NTN4: variants seen among roughly 807,000 people sequenced by gnomAD.
NTN4 encodes the protein netrin 4.
A neutral mutation model predicts 73.6 loss-of-function variants in NTN4; 32 were observed. The ratio of observed to expected loss-of-function variants is 0.44; its 90% CI spans 0.33 to 0.58. The LOEUF (loss-of-function observed/expected upper bound fraction) is 0.58, where lower values mean the gene tolerates loss of function less well. Ranked by LOEUF, NTN4 falls within the 20% of genes least tolerant of loss-of-function variation. NTN4 has a pLI of 0.04. For synonymous variants in NTN4, 258 were observed against 287.5 expected, an observed-to-expected ratio of 0.90 and a Z score of 1.04; for missense variants, 654 against 798.3, an observed-to-expected ratio of 0.82 and a Z score of 2.18.
chr12:95,767,758 T>G (rs1356642102), intron 2 of NTN4, among the ~76,000 whole-genome samples: 1 of 152,136 alleles, frequency 6.6e-6, no homozygotes, highest in Non-Finnish European at 1.5e-5. Flanking sequence ...AGAGGCACCT[T>G]GCACTGTTTT....
Position 95,782,833 on chromosome 12 carries a change from C to G in NTN4, c.585+4106G>C, listed in dbSNP as rs149008817. Among the ~76,000 whole-genome samples the G allele has an allele frequency of 8.5e-5, 13 of 152,292 alleles. No individual in the cohort carries two copies. The East Asian group carries it at 2.5e-3, about 29-fold the overall frequency. On this transcript the variant is annotated intron_variant, in intron 2 of 9. Coordinates refer to ENST00000343702, the MANE Select transcript of NTN4 (RefSeq NM_021229.4). The stretch of plus-strand genomic sequence containing the variant: ...CAAGTCGTGCTCCCTTCTAAGGAGA[C>G]AGTAACTACATCCCTTTAGAGTTAC...
rs113301801 is a variant in NTN4 at position 95,737,872 on chromosome 12, G to T, written c.858C>A (p.Phe286Leu). ...GAGGACTTGTTTCACCTACCATGTG[G>T]AATGTTCCTGGGGCCTTGACAGGTC... is the stretch of plus-strand genomic sequence containing the variant. ...GFRPVKAPGT[F>L]HMVHGKCMCK... Residue 286 changes from phenylalanine (F) to leucine (L), a missense_variant, in exon 3 of 10, where the codon TTC becomes TTA. Physicochemically the swap from Phe to Leu is conservative, Grantham distance 22 (BLOSUM62 0). Transcript: ENST00000343702. The T allele has an allele frequency of 1.7e-5, 27 of 1,607,382 alleles. No homozygotes were observed. The highest frequency in any genetic ancestry group is 2.6e-6 in the Non-Finnish European group (3 of 1,175,382).
chr12:95,708,319 G>A lies in NTN4; in HGVS notation c.1180+2122C>T, dbSNP rs181529117. On this transcript the variant is annotated intron_variant, in intron 5 of 9. Coordinates refer to ENST00000343702, the MANE Select transcript of NTN4 (RefSeq NM_021229.4). ...TTATTTATTTTTGAGACAGAGTCTT[G>A]CTCTGTCGCCCAGGCTGGAGTGCAG... is the stretch of plus-strand genomic sequence containing the variant. Among the ~76,000 whole-genome samples, 472 of 149,138 alleles carry A rather than the reference G, an allele frequency of 3.2e-3. 3 individuals carry two copies. Among genetic ancestry groups the A allele is most frequent in the African/African-American group, 0.011 (449 of 40,366 alleles).
At chr12:95,777,681 C>T (rs1260337316) in intron 2 of NTN4, among the ~76,000 whole-genome samples, 1 of 152,074 alleles carries the variant, frequency 6.6e-6, no homozygotes, top group Non-Finnish European at 1.5e-5. Flanking sequence ...CCTTAGAGAC[C>T]TACAAAGAGA....
chr12:95,672,152 C>A (rs2078236527), intron 7 of NTN4: 1 of 442,906 alleles, frequency 2.3e-6, no homozygotes, highest in African/African-American at 2.1e-5. Flanking sequence ...AAGACATTGT[C>A]TCTACAAAAA....
At chr12:95,670,574 T>C (rs2078219365) in intron 7 of NTN4, 1 of 153,416 alleles carries the variant, frequency 6.5e-6, no homozygotes, top group Non-Finnish European at 1.5e-5. Flanking sequence ...TTTTTTGTTG[T>C]TATCCATTTA....
chr12:95,789,949 A>G lies in NTN4; in HGVS notation c.55+306T>C. On this transcript the variant is annotated intron_variant, in intron 1 of 9. Transcript: ENST00000343702. This position sits in a 1 kb window ranked among gnomAD's most constrained non-coding sequence, Gnocchi z 4.0. Reference sequence around the variant, plus strand: ...GGCGAGCTGGGTCCTTTGTTCCCTCACCAAGTGGAAAAGCAGTTTTTTAAC... The same window carrying G: ...GGCGAGCTGGGTCCTTTGTTCCCTCGCCAAGTGGAAAAGCAGTTTTTTAAC... 2 of 323,598 alleles carry G rather than the reference A, an allele frequency of 6.2e-6. No homozygotes were observed. The highest frequency in any genetic ancestry group is 1.1e-5 in the Non-Finnish European group (2 of 177,376). The allele number at this position is 323,598 out of a possible 1,614,324, so 20.0% of individuals were successfully genotyped here.
chr12:95,713,486 T>C, intron 3 of NTN4, 148 bp from the exon 4 acceptor site: 2 of 851,230 alleles, frequency 2.3e-6, no homozygotes, highest in Non-Finnish European at 3.4e-6. Context: ...AGAGGAGAGA[T>C]GCTTTCTTTA....
chr12:95,763,537 T>C (rs2079002342), intron 2 of NTN4, among the ~76,000 whole-genome samples: 1 of 152,184 alleles, frequency 6.6e-6, no homozygotes, highest in African/African-American at 2.4e-5. Context: ...ACTTCTATTC[T>C]CCAGGTAAAT....
chr12:95,661,233 GT>G (rs983961163), intron 9 of NTN4, among the ~76,000 whole-genome samples: 1 of 152,172 alleles, frequency 6.6e-6, no homozygotes, highest in African/African-American at 2.4e-5. Flanking sequence ...GGGAAGGAAT[GT>G]AGCATTTATC....
intron 5 of NTN4, among the ~76,000 whole-genome samples, chr12:95,697,724 G>A (rs80259548): frequency 9.1e-4 from 131 of 144,682 alleles, no homozygotes; most frequent in African/African-American, 3.1e-3. Flanking sequence ...TTTTGATTCT[G>A]TTGTCATTAA....
At chr12:95,730,843 T>C (rs2078732042) in intron 3 of NTN4, among the ~76,000 whole-genome samples, 1 of 152,202 alleles carries the variant, frequency 6.6e-6, no homozygotes, top group Non-Finnish European at 1.5e-5. Flanking sequence ...ATTAGGAATA[T>C]GTTGCACTCC....
chr12:95,703,106 C>T (rs2078498832), intron 5 of NTN4, among the ~76,000 whole-genome samples: 3 of 152,154 alleles, frequency 2.0e-5, no homozygotes, highest in Admixed American at 2.0e-4. Context: ...ATCCACCGGC[C>T]TTGGCCTCCC....
At chr12:95,726,025 G>A (rs1292937499) in intron 3 of NTN4, among the ~76,000 whole-genome samples, 1 of 151,434 alleles carries the variant, frequency 6.6e-6, no homozygotes, top group Non-Finnish European at 1.5e-5. Context: ...TATTTATTCT[G>A]TAAAATTCCT....
chr12:95,668,463 G>A lies in NTN4; in HGVS notation c.1579+1615C>T, dbSNP rs142591284. On this transcript the variant is annotated intron_variant, in intron 8 of 9. Transcript: ENST00000343702. ...AACTGCCTTTCCTTTATTGAGCGCTGTACATTTCAAGTTTTCTTCTATTGT... is the reference window on the plus strand; with the variant it reads ...AACTGCCTTTCCTTTATTGAGCGCTATACATTTCAAGTTTTCTTCTATTGT... 4.6e-3 allele frequency among the ~76,000 whole-genome samples: 547 copies of A among 118,206 alleles called. 3 individuals are homozygous for A. Among genetic ancestry groups the A allele is most frequent in the Non-Finnish European group, 8.2e-3 (461 of 56,178 alleles). 77.5% of individuals were successfully genotyped at this position (118,206 alleles called of 152,430 possible).
chr12:95,750,027 T>A (rs1383536073), intron 2 of NTN4, among the ~76,000 whole-genome samples: 1 of 151,850 alleles, frequency 6.6e-6, no homozygotes, highest in Non-Finnish European at 1.5e-5. Flanking sequence ...CAACCCCTTC[T>A]CCTTCACTCT....
chr12:95,731,948 G>A (rs1230126596), intron 3 of NTN4, among the ~76,000 whole-genome samples: 2 of 152,140 alleles, frequency 1.3e-5, no homozygotes, highest in East Asian at 1.9e-4. Context: ...AATAATACTT[G>A]TAGCATGACA....
intron 7 of NTN4, among the ~76,000 whole-genome samples, chr12:95,682,420 C>T (rs1385623819): frequency 1.7e-5 from 2 of 120,226 alleles, no homozygotes; most frequent in Non-Finnish European, 3.5e-5. Flanking sequence ...TTTTGGGTGA[C>T]CTCTTTTTTT....
At chr12:95,703,059 G>A (rs1188618305) in intron 5 of NTN4, among the ~76,000 whole-genome samples, 1 of 152,044 alleles carries the variant, frequency 6.6e-6, no homozygotes, top group African/African-American at 2.4e-5. Context: ...GTTTCACCAT[G>A]TTGGCCAGGC....
Sources: allele counts gnomAD v4.1 joint callset (sites outside exome capture counted in the v4.1 genomes callset), GRCh38; gene constraint gnomAD v4.1.1; non-coding constraint Gnocchi (gnomAD v3.1); transcripts MANE v1.5; gene names NCBI Gene and HGNC (gene_info 2026-07-23, HGNC 2026-07-21).